ZC3H3: variants seen among roughly 807,000 people sequenced by gnomAD.
The protein encoded by ZC3H3 is zinc finger CCCH-type containing 3.
A neutral mutation model predicts 77.3 loss-of-function variants in ZC3H3; 36 were observed. That is an observed-to-expected ratio of 0.47 (90% CI 0.36 to 0.61). The LOEUF (loss-of-function observed/expected upper bound fraction) is 0.61. Ranked by LOEUF, ZC3H3 falls within the 20% of genes least tolerant of loss-of-function variation. ZC3H3 has a pLI of 0.00. For missense variants in ZC3H3, 1,331 were observed against 1,312.2 expected, an observed-to-expected ratio of 1.01 and a Z score of -0.22; for synonymous variants, 626 against 555.2, an observed-to-expected ratio of 1.13 and a Z score of -1.79.
chr8:143,541,110 C>A (rs1822998695), intron 1 of ZC3H3, among the ~76,000 whole-genome samples: 1 of 152,188 alleles, frequency 6.6e-6, no homozygotes, highest in Non-Finnish European at 1.5e-5. Flanking sequence ...GGGCCGCCGC[C>A]CCCCGCGGGT....
At chr8:143,476,544 G>A (rs1421422151) in intron 4 of ZC3H3, among the ~76,000 whole-genome samples, 5 of 152,028 alleles carry the variant, frequency 3.3e-5, no homozygotes, top group East Asian at 1.9e-4. Flanking sequence ...ACAGCCCTGC[G>A]GACCCTCGGG....
In ZC3H3 at chr8:143,538,515, T is replaced by C. The variant is rs1822884389; in HGVS notation, c.852A>G (p.Arg284=). ...VPSGSVGGPA[R]PASGPRQARE... is the part of the protein sequence containing the mutation. Reference sequence around the variant, plus strand: ...GGGCCTGCCTGGGTCCTGAGGCCGGTCTGGCGGGGCCCCCCACTGAGCCAG... The same window carrying C: ...GGGCCTGCCTGGGTCCTGAGGCCGGCCTGGCGGGGCCCCCCACTGAGCCAG... The change falls in exon 2 of 12, where the codon AGA becomes AGG. Residue 284 remains arginine, a synonymous_variant. Coordinates refer to ENST00000262577, the MANE Select transcript of ZC3H3 (RefSeq NM_015117.3). The C allele has an allele frequency of 1.2e-6, 2 of 1,612,514 alleles. No individual in the cohort carries two copies.
intron 2 of ZC3H3, among the ~76,000 whole-genome samples, chr8:143,537,601 GCTCT>G (rs1267579289): frequency 6.6e-6 from 1 of 152,226 alleles, no homozygotes; most frequent in Non-Finnish European, 1.5e-5. Context: ...CAGACACACT[GCTCT>G]CTGTCTCACC....
At position 143,452,149 on chromosome 8, in the gene ZC3H3, C is replaced by G. The variant is rs115626951; in HGVS notation, c.2308-11029G>C. On this transcript the variant is annotated intron_variant, in intron 9 of 11. Coordinates refer to ENST00000262577, the MANE Select transcript of ZC3H3 (RefSeq NM_015117.3). ...GCACCCCCAGCCAGATCAGCAAAGG[C>G]TGAGGAGGGAGCCTGGACTCAACCC... Among the ~76,000 whole-genome samples, 716 of 152,382 alleles carry G rather than the reference C, an allele frequency of 4.7e-3. 3 individuals carry two copies. Among genetic ancestry groups the G allele is most frequent in the African/African-American group, 0.016 (671 of 41,594 alleles).
At chr8:143,455,357 G>A (rs188586634) in intron 9 of ZC3H3, among the ~76,000 whole-genome samples, 176 of 152,132 alleles carry the variant, frequency 1.2e-3, no homozygotes, top group African/African-American at 4.0e-3. Flanking sequence ...TTAGCCAGGC[G>A]TGGTGGCGCG....
intron 9 of ZC3H3, among the ~76,000 whole-genome samples, chr8:143,453,631 A>G (rs1353351723): frequency 1.3e-5 from 2 of 152,252 alleles, no homozygotes; most frequent in Admixed American, 6.5e-5. Context: ...TTCTCCAAAC[A>G]AAAAGGAAAC....
intron 4 of ZC3H3, 63 bp downstream of exon 4, chr8:143,507,683 C>G: frequency 6.9e-7 from 1 of 1,440,084 alleles, no homozygotes; most frequent in Admixed American, 2.5e-5. Context: ...CCCTGCAGCC[C>G]TCAGGGCAGG....
At chr8:143,505,044 G>A (rs1356811525) in intron 4 of ZC3H3, among the ~76,000 whole-genome samples, 1 of 152,146 alleles carries the variant, frequency 6.6e-6, no homozygotes, top group Non-Finnish European at 1.5e-5. Context: ...CCACACCGGC[G>A]CTGTCCCTCA....
intron 5 of ZC3H3, 114 bp downstream of exon 5, chr8:143,475,284 G>A: frequency 7.6e-7 from 1 of 1,320,854 alleles, no homozygotes. Flanking sequence ...AGGGGCGTGA[G>A]CCAAGGCCCA....
Position 143,462,168 on chromosome 8 carries a change from C to T in ZC3H3, c.2307+3549G>A, listed in dbSNP as rs907744277. On this transcript the variant is annotated intron_variant, in intron 9 of 11. Coordinates refer to ENST00000262577, the MANE Select transcript of ZC3H3 (RefSeq NM_015117.3). This position sits in a 1 kb window ranked among gnomAD's most constrained non-coding sequence, Gnocchi z 4.7. ...GCCACCCAGGACACTGCCAGGCCCACTGTGGCCCCCTGAAGAGTCGCCACG... is the reference window on the plus strand; with the variant it reads ...GCCACCCAGGACACTGCCAGGCCCATTGTGGCCCCCTGAAGAGTCGCCACG... 6.6e-6 allele frequency among the ~76,000 whole-genome samples: 1 copy of T among 152,172 alleles called. No homozygotes were observed. Among genetic ancestry groups the T allele is most frequent in the South Asian group, 2.1e-4 (1 of 4,828 alleles).
chr8:143,493,882 T>C lies in ZC3H3; in HGVS notation c.1715+13864A>G, dbSNP rs2129976106. On this transcript the variant is annotated intron_variant, in intron 4 of 11. Transcript: ENST00000262577. This position sits in a 1 kb window ranked among gnomAD's most constrained non-coding sequence, Gnocchi z 4.8. ...CCCAACTGAATCAATATTTACTGCA[T>C]TGAAACGAAATGAATAGTAATAAGT... Among the ~76,000 whole-genome samples, 1 of 152,340 alleles carries C rather than the reference T, an allele frequency of 6.6e-6. No homozygotes were observed. Among genetic ancestry groups the C allele is most frequent in the South Asian group, 2.1e-4 (1 of 4,832 alleles).
intron 3 of ZC3H3, among the ~76,000 whole-genome samples, chr8:143,520,494 C>A (rs554520927): frequency 6.6e-6 from 1 of 152,304 alleles, no homozygotes. Context: ...CAGTGGGAAC[C>A]GGCTGGGAAG....
chr8:143,447,751 G>A (rs556285937), intron 9 of ZC3H3, among the ~76,000 whole-genome samples: 1 of 152,248 alleles, frequency 6.6e-6, no homozygotes, highest in East Asian at 1.9e-4. Flanking sequence ...GAGAGAGCGG[G>A]GCAGATGCTA....
intron 10 of ZC3H3, among the ~76,000 whole-genome samples, 156 bp downstream of exon 10, chr8:143,440,780 G>C (rs1819719367): frequency 6.6e-6 from 1 of 152,232 alleles, no homozygotes; most frequent in African/African-American, 2.4e-5. Flanking sequence ...CATCTCTGGA[G>C]GTCATGTGAT....
intron 9 of ZC3H3, among the ~76,000 whole-genome samples, chr8:143,443,959 G>A (rs1412739553): frequency 1.4e-5 from 2 of 147,278 alleles, no homozygotes; most frequent in Admixed American, 6.9e-5. Context: ...GGTTTTACTT[G>A]TAGTTCTTTT....
chr8:143,468,075 C>T (rs1820461066), intron 8 of ZC3H3, 134 bp downstream of exon 8: 1 of 1,126,806 alleles, frequency 8.9e-7, no homozygotes. Flanking sequence ...GTACAGCAGA[C>T]TCTAAGGACG....
chr8:143,443,228 T>G (rs1420315339), intron 9 of ZC3H3, among the ~76,000 whole-genome samples: 1 of 135,908 alleles, frequency 7.4e-6, no homozygotes, highest in Admixed American at 8.9e-5. Flanking sequence ...GAGGTTGCAG[T>G]GAGCCAAGAT....
At chr8:143,483,712 T>C (rs1398004543) in intron 4 of ZC3H3, among the ~76,000 whole-genome samples, 2 of 152,194 alleles carry the variant, frequency 1.3e-5, no homozygotes, top group Admixed American at 6.5e-5. Flanking sequence ...ACGATGGCTA[T>C]GGCCACCTCA....
intron 4 of ZC3H3, among the ~76,000 whole-genome samples, chr8:143,490,174 G>A (rs1239454697): frequency 1.3e-5 from 2 of 152,230 alleles, no homozygotes; most frequent in Non-Finnish European, 2.9e-5. Flanking sequence ...CCAGCAGGTG[G>A]GTGGGGCTGC....
Sources: allele counts gnomAD v4.1 joint callset (sites outside exome capture counted in the v4.1 genomes callset), GRCh38; gene constraint gnomAD v4.1.1; non-coding constraint Gnocchi (gnomAD v3.1); transcripts MANE v1.5; gene names NCBI Gene and HGNC (gene_info 2026-07-23, HGNC 2026-07-21).